PCDHGA11: variants seen among roughly 807,000 people sequenced by gnomAD.
The protein encoded by PCDHGA11 is protocadherin gamma-A11.
PCDHGA11 carries 39 observed loss-of-function variants against 60.4 expected under a neutral mutation model. The observed-to-expected ratio is 0.65, with a 90% CI of 0.50 to 0.84. The LOEUF (loss-of-function observed/expected upper bound fraction) is 0.84. Among genes scored for constraint, PCDHGA11 ranks in the 40% least tolerant of loss-of-function variants. PCDHGA11 has a pLI of 0.00. For synonymous variants in PCDHGA11, 533 were observed against 510.3 expected (o/e 1.04, Z -0.60); for missense variants, 1,165 against 1,197.7 (o/e 0.97, Z 0.40).
intron 1 of PCDHGA11, among the ~76,000 whole-genome samples, chr5:141,455,899 ATTT>A (rs1561962776): frequency 1.3e-5 from 2 of 148,258 alleles, no homozygotes; most frequent in Non-Finnish European, 3.0e-5. Flanking sequence ...TTATTTATTT[ATTT>A]ATTTATTTAT....
chr5:141,444,902 G>A (rs1442325957), intron 1 of PCDHGA11, among the ~76,000 whole-genome samples: 1 of 152,160 alleles, frequency 6.6e-6, no homozygotes, highest in Non-Finnish European at 1.5e-5. Context: ...GGATGGCATT[G>A]CATCTATACC....
intron 2 of PCDHGA11, among the ~76,000 whole-genome samples, chr5:141,500,844 T>C (rs190011905): frequency 6.6e-6 from 1 of 152,204 alleles, no homozygotes; most frequent in Non-Finnish European, 1.5e-5. Flanking sequence ...AATGGGCTTT[T>C]GCTACATTAG....
chr5:141,468,651 G>C (rs2099171216), intron 1 of PCDHGA11: 1 of 152,018 alleles, frequency 6.6e-6, no homozygotes, highest in African/African-American at 2.4e-5. Context: ...CGGATCACAA[G>C]GTCAGGAGAT....
intron 1 of PCDHGA11, among the ~76,000 whole-genome samples, chr5:141,473,922 A>T (rs1025156251): frequency 2.0e-5 from 3 of 152,182 alleles, no homozygotes; most frequent in South Asian, 2.1e-4. Flanking sequence ...GAAAACTATG[A>T]GCTGGGTGCA....
Position 141,423,302 on chromosome 5 carries a change from T to G in PCDHGA11, c.2075T>G (p.Leu692Arg), listed in dbSNP as rs1221185261. ...LANSETSDLS[L>R]YLVVAVAAVS... is the part of the protein sequence containing the mutation. The stretch of plus-strand genomic sequence containing the variant: ...AACTCTGAAACCTCAGACCTCTCGC[T>G]GTACTTGGTGGTGGCGGTGGCCGCA... Residue 692 changes from leucine to arginine, a missense_variant, in exon 1 of 4, where the codon CTG becomes CGG. By Grantham distance (102) the Leu-to-Arg change is moderately radical. Coordinates refer to ENST00000398587, the MANE Select transcript of PCDHGA11 (RefSeq NM_018914.3). 6.2e-7 allele frequency: 1 copy of G among 1,614,144 alleles called. No homozygotes were observed.
chr5:141,490,576 G>T lies in PCDHGA11; in HGVS notation c.2434-4231G>T. On this transcript the variant is annotated intron_variant, in intron 1 of 3. Transcript: ENST00000398587. The surrounding 1 kb of genome is among the most constrained non-coding windows in gnomAD (Gnocchi z 5.4). ...TCTCACCATCAGGCTCAACATTTCA[G>T]ATGTCAATGACAATGCACCCCGCTT... 2.5e-6 allele frequency: 4 copies of T among 1,614,134 alleles called. No homozygotes were observed. The highest frequency in any genetic ancestry group is 3.4e-6 in the Non-Finnish European group (4 of 1,180,030).
intron 1 of PCDHGA11, chr5:141,441,889 GT>G: frequency 2.9e-6 from 1 of 346,022 alleles, no homozygotes; most frequent in South Asian, 2.6e-5. Flanking sequence ...GGTCACCAAG[GT>G]GGTGGCTGTA....
In PCDHGA11 at chr5:141,421,199, A is replaced by C. The variant is rs991814876; in HGVS notation, c.-29A>C. On this transcript the variant is annotated 5_prime_UTR_variant, in exon 1 of 4. Coordinates refer to ENST00000398587, the MANE Select transcript of PCDHGA11 (RefSeq NM_018914.3). ...CGATTCACAACCAACCAGCTCGAGA[A>C]ACCGCGGAATATCGGCTTAGAGCCT... The C allele has an allele frequency of 2.0e-6, 3 of 1,514,716 alleles. No individual in the cohort carries two copies. Among genetic ancestry groups the C allele is most frequent in the Non-Finnish European group, 2.6e-6 (3 of 1,133,072 alleles). 93.8% of individuals were successfully genotyped at this position (1,514,716 alleles called of 1,614,324 possible).
In PCDHGA11 at chr5:141,477,590, C is replaced by T. The variant is rs1465863595; in HGVS notation, c.2434-17217C>T. On this transcript the variant is annotated intron_variant, in intron 1 of 3. Coordinates refer to ENST00000398587, the MANE Select transcript of PCDHGA11 (RefSeq NM_018914.3). This position sits in a 1 kb window ranked among gnomAD's most constrained non-coding sequence, Gnocchi z 4.9. ...CCCCGACGCCCCGCAGAATGCTCGG[C>T]TTTCTTTCTTTCTCTTGGAGCAAGG... The T allele has an allele frequency of 1.2e-6, 2 of 1,614,122 alleles. No individual in the cohort carries two copies. Among genetic ancestry groups the T allele is most frequent in the South Asian group, 2.2e-5 (2 of 91,080 alleles).
Position 141,490,122 on chromosome 5 carries a change from C to T in PCDHGA11, c.2434-4685C>T. 3 of 1,614,260 alleles carry T rather than the reference C, an allele frequency of 1.9e-6. No homozygotes were observed. The highest frequency in any genetic ancestry group is 2.5e-6 in the Non-Finnish European group (3 of 1,180,046). On this transcript the variant is annotated intron_variant, in intron 1 of 3. Coordinates refer to ENST00000398587, the MANE Select transcript of PCDHGA11 (RefSeq NM_018914.3). The surrounding 1 kb of genome is among the most constrained non-coding windows in gnomAD (Gnocchi z 5.4). ...CTGAGGCAGTGCGGAACCTCTTTGG[C>T]CTAGACCCTAGCAGTGGGGCAATCC... is the stretch of plus-strand genomic sequence containing the variant.
rs775104626 is a variant in PCDHGA11, at chr5:141,486,636, C to T, written c.2434-8171C>T. On this transcript the variant is annotated intron_variant, in intron 1 of 3. Transcript: ENST00000398587. This position sits in a 1 kb window ranked among gnomAD's most constrained non-coding sequence, Gnocchi z 5.0. ...TCTGACCCAGACTCTGGCTTGAATG[C>T]GCTTATCTCCTACTCACTCCTGGAG... 7 of 1,613,540 alleles carry T rather than the reference C, an allele frequency of 4.3e-6. No individual in the cohort carries two copies. The highest frequency in any genetic ancestry group is 1.3e-5 in the African/African-American group (1 of 74,926).
At chr5:141,450,006 CTT>C (rs1554136305) in intron 1 of PCDHGA11, among the ~76,000 whole-genome samples, 13 of 132,938 alleles carry the variant, frequency 9.8e-5, no homozygotes, top group Non-Finnish European at 7.9e-5. Flanking sequence ...TGCCATGTCT[CTT>C]TTTTTTTTTT....
chr5:141,489,943 A>G lies in PCDHGA11; in HGVS notation c.2434-4864A>G. ...CCTTATCTCTGTCATCGTGCTGGAC[A>G]TCAATGATAATGCTCCAACCTTCCA... On this transcript the variant is annotated intron_variant, in intron 1 of 3. Transcript: ENST00000398587. The surrounding 1 kb of genome is among the most constrained non-coding windows in gnomAD (Gnocchi z 4.5). 5.6e-6 allele frequency: 9 copies of G among 1,614,190 alleles called. No homozygotes were observed. Among genetic ancestry groups the G allele is most frequent in the Non-Finnish European group, 7.6e-6 (9 of 1,180,016 alleles).
intron 3 of PCDHGA11, chr5:141,506,988 A>G (rs1364718512): frequency 1.3e-5 from 2 of 152,192 alleles, no homozygotes; most frequent in Non-Finnish European, 2.9e-5. Context: ...CTGATTTCTC[A>G]CACTCGACAG....
rs779392461 is a variant in PCDHGA11, at chr5:141,428,623, TC to T, written c.2433+4964del. 3.1e-5 allele frequency: 6 copies of T among 193,516 alleles called. No individual in the cohort carries two copies. In the East Asian group the frequency reaches 5.4e-4, roughly 17 times the overall value. 12.0% of individuals were successfully genotyped at this position (193,516 alleles called of 1,614,324 possible). ...CACTGAAGAGAATAACAAGATAAGC[TC>T]TAACTCTGTTGCTCCTACTCACGTG... On this transcript the variant is annotated intron_variant, in intron 1 of 3. Coordinates refer to ENST00000398587, the MANE Select transcript of PCDHGA11 (RefSeq NM_018914.3).
At chr5:141,429,500 A>C (rs1050435175) in intron 1 of PCDHGA11, among the ~76,000 whole-genome samples, 1 of 152,148 alleles carries the variant, frequency 6.6e-6, no homozygotes, top group Non-Finnish European at 1.5e-5. Flanking sequence ...CAGTTGCCTG[A>C]AACTGTGCCT....
intron 1 of PCDHGA11, among the ~76,000 whole-genome samples, chr5:141,461,819 A>G (rs573339238): frequency 1.3e-5 from 2 of 149,282 alleles, no homozygotes; most frequent in African/African-American, 2.5e-5. Flanking sequence ...ACACCCAGCT[A>G]ATTTTTTTTT....
Position 141,477,920 on chromosome 5 carries a change from C to A in PCDHGA11, c.2434-16887C>A, listed in dbSNP as rs755219711. ...GGTAGGCTGGGACGCGGATGCAGGGCACAATGCCTGGCTCTCCTACAGTCT... is the reference window on the plus strand; with the variant it reads ...GGTAGGCTGGGACGCGGATGCAGGGAACAATGCCTGGCTCTCCTACAGTCT... On this transcript the variant is annotated intron_variant, in intron 1 of 3. Transcript: ENST00000398587. The surrounding 1 kb of genome is among the most constrained non-coding windows in gnomAD (Gnocchi z 4.9). The A allele has an allele frequency of 6.2e-7, 1 of 1,614,180 alleles. No individual in the cohort carries two copies. The highest frequency in any genetic ancestry group is 8.5e-7 in the Non-Finnish European group (1 of 1,180,038).
intron 1 of PCDHGA11, among the ~76,000 whole-genome samples, chr5:141,454,859 G>A (rs2098805080): frequency 7.9e-6 from 1 of 126,982 alleles, no homozygotes; most frequent in African/African-American, 3.1e-5. Flanking sequence ...CCAGGCTGGA[G>A]TGCAGTGGCA....
Sources: allele counts gnomAD v4.1 joint callset (sites outside exome capture counted in the v4.1 genomes callset), GRCh38; gene constraint gnomAD v4.1.1; non-coding constraint Gnocchi (gnomAD v3.1); transcripts MANE v1.5; gene names NCBI Gene and HGNC (gene_info 2026-07-23, HGNC 2026-07-21).